The following VIPR2 variants were observed in gnomAD, a reference collection of about 807,000 sequenced individuals.
VIPR2 encodes the protein vasoactive intestinal peptide receptor 2, also known as vasoactive intestinal polypeptide receptor 2.
A neutral mutation model predicts 58.0 loss-of-function variants in VIPR2; 48 were observed. That is an observed-to-expected ratio of 0.83 (90% CI 0.66 to 1.05). VIPR2 has a LOEUF of 1.05. Among genes scored for constraint, VIPR2 ranks in the 50% least tolerant of loss-of-function variants. VIPR2 has a pLI of 0.00. For missense variants in VIPR2, 534 were observed against 558.0 expected (o/e 0.96, Z 0.43); for synonymous variants, 243 against 235.2 (o/e 1.03, Z -0.30).
chr7:159,117,750 C>T (rs1796294597), intron 2 of VIPR2, among the ~76,000 whole-genome samples: 1 of 152,188 alleles, frequency 6.6e-6, no homozygotes, highest in South Asian at 2.1e-4. Context: ...AGCCACCCTG[C>T]TGCTGTCATC....
intron 2 of VIPR2, among the ~76,000 whole-genome samples, chr7:159,124,815 C>T (rs1433785487): frequency 6.6e-6 from 1 of 152,138 alleles, no homozygotes; most frequent in Non-Finnish European, 1.5e-5. Flanking sequence ...TTTCTTTGAG[C>T]AGTGTTTTAT....
rs1252888205 is a variant in VIPR2 at position 159,135,022 on chromosome 7, TTTTTTTTTA to T, written c.151+7415_151+7423del. The stretch of plus-strand genomic sequence containing the variant: ...TACAAAAGTTTTTTTTTTTTTTTTT[TTTTTTTTTA>T]ACATTTTAAGTAATTGGCCTAGAAA... On this transcript the variant is annotated intron_variant, in intron 2 of 12. Coordinates refer to ENST00000262178, the MANE Select transcript of VIPR2 (RefSeq NM_003382.5). Among the ~76,000 whole-genome samples, 199 of 104,428 alleles carry T rather than the reference TTTTTTTTTA, an allele frequency of 1.9e-3. 10 individuals are homozygous for T. In the East Asian group the frequency reaches 0.024, roughly 12 times the overall value. 68.5% of individuals were successfully genotyped at this position (104,428 alleles called of 152,430 possible). A position where few individuals can be genotyped will look rare whatever the true frequency, so the allele number is the denominator to read the frequency against.
chr7:159,104,546 ATGCCCTCCCTCCTCCCAGCCAGGCCCT>A, intron 3 of VIPR2, among the ~76,000 whole-genome samples: 1 of 101,980 alleles, frequency 9.8e-6, no homozygotes, highest in African/African-American at 3.7e-5. Context: ...CCTCCCAGCA[ATGCCCTCCCTCCTCCCAGCCAGGCCCT>A]CACCACCGAT....
chr7:159,139,370 G>A (rs1008467627), intron 2 of VIPR2, among the ~76,000 whole-genome samples: 6 of 152,196 alleles, frequency 3.9e-5, no homozygotes, highest in Admixed American at 1.3e-4. Flanking sequence ...TGGGGGGCTT[G>A]AGAAGCAGAG....
At chr7:159,105,583 C>T (rs1354469874) in intron 3 of VIPR2, among the ~76,000 whole-genome samples, 1 of 152,062 alleles carries the variant, frequency 6.6e-6, no homozygotes, top group East Asian at 1.9e-4. Flanking sequence ...GGAGACTGGT[C>T]TCAGCAAGGC....
intron 4 of VIPR2, among the ~76,000 whole-genome samples, chr7:159,075,003 C>T (rs1318321484): frequency 1.3e-5 from 2 of 152,144 alleles, no homozygotes; most frequent in African/African-American, 2.4e-5. Flanking sequence ...CAATGAATAC[C>T]TTATTTAGCT....
chr7:159,075,031 G>A (rs765125739), intron 4 of VIPR2, among the ~76,000 whole-genome samples: 2 of 152,178 alleles, frequency 1.3e-5, no homozygotes, highest in Non-Finnish European at 2.9e-5. Context: ...AAATAGCTTG[G>A]CTTGGCTTTT....
chr7:159,048,410 G>A (rs968913418), intron 5 of VIPR2, among the ~76,000 whole-genome samples: 2 of 152,308 alleles, frequency 1.3e-5, no homozygotes, highest in Middle Eastern at 6.8e-3. Flanking sequence ...GAGCTTTTAT[G>A]TATGTTTGGA....
intron 5 of VIPR2, among the ~76,000 whole-genome samples, chr7:159,050,744 T>C (rs1282119104): frequency 6.6e-6 from 1 of 152,094 alleles, no homozygotes; most frequent in Admixed American, 6.5e-5. Flanking sequence ...ACAAGGTTTT[T>C]TGAAACTGAC....
chr7:159,053,608 C>T (rs1855133845), intron 5 of VIPR2, among the ~76,000 whole-genome samples: 1 of 152,114 alleles, frequency 6.6e-6, no homozygotes, highest in Non-Finnish European at 1.5e-5. Flanking sequence ...GTGGTGTGAT[C>T]ACAGCTCACT....
At chr7:159,053,090 T>C (rs1241344518) in intron 5 of VIPR2, among the ~76,000 whole-genome samples, 1 of 151,966 alleles carries the variant, frequency 6.6e-6, no homozygotes, top group Non-Finnish European at 1.5e-5. Context: ...TTTAGTGAGG[T>C]TGCTGAAGCA....
chr7:159,060,955 A>C (rs1200407925), intron 4 of VIPR2, among the ~76,000 whole-genome samples: 1 of 152,226 alleles, frequency 6.6e-6, no homozygotes. Context: ...CAACAGCCCT[A>C]TTCACAAAGC....
In VIPR2 at chr7:159,115,683, C is replaced by T. The variant is rs1008955794; in HGVS notation, c.152-5764G>A. ...TGTCACCAAAGCCCCTGAGCTCAGG[C>T]TTGCTGGCTGGGTCGTCCCTTGGCC... On this transcript the variant is annotated intron_variant, in intron 2 of 12. Coordinates refer to ENST00000262178, the MANE Select transcript of VIPR2 (RefSeq NM_003382.5). 5.3e-5 allele frequency among the ~76,000 whole-genome samples: 8 copies of T among 152,340 alleles called. No individual in the cohort carries two copies. In the East Asian group the frequency reaches 1.2e-3, roughly 22 times the overall value.
Position 159,096,695 on chromosome 7 carries a change from A to G in VIPR2, c.357+7062T>C. On this transcript the variant is annotated intron_variant, in intron 4 of 12. Transcript: ENST00000262178. This position sits in a 1 kb window ranked among gnomAD's most constrained non-coding sequence, Gnocchi z 5.5. ...CATGCACAGGTTAAAACTAAACAGC[A>G]GAAAAGTGCTCATAATCCTGTCTGG... The G allele has an allele frequency of 7.9e-7, 1 of 1,266,372 alleles. No individual in the cohort carries two copies. The highest frequency in any genetic ancestry group is 1.0e-6 in the Non-Finnish European group (1 of 966,818). 78.4% of individuals were successfully genotyped at this position (1,266,372 alleles called of 1,614,324 possible). A position where few individuals can be genotyped will look rare whatever the true frequency, so the allele number is the denominator to read the frequency against.
intron 4 of VIPR2, among the ~76,000 whole-genome samples, chr7:159,101,847 C>G (rs1486434643): frequency 7.4e-5 from 10 of 134,818 alleles, no homozygotes; most frequent in African/African-American, 2.7e-4. Flanking sequence ...ACGGGTCTCA[C>G]GAGATCCGAC....
intron 4 of VIPR2, among the ~76,000 whole-genome samples, chr7:159,071,848 A>G (rs1308753361): frequency 2.0e-5 from 3 of 147,004 alleles, no homozygotes; most frequent in South Asian, 2.2e-4. Context: ...CCAGAGTCCC[A>G]TGTCTCTAGG....
At chr7:159,047,820 G>A (rs960209640) in intron 5 of VIPR2, among the ~76,000 whole-genome samples, 1 of 152,168 alleles carries the variant, frequency 6.6e-6, no homozygotes, top group Non-Finnish European at 1.5e-5. Context: ...AGTCATGGAA[G>A]AATTTTACAA....
At chr7:159,091,067 C>G (rs1434680161) in intron 4 of VIPR2, among the ~76,000 whole-genome samples, 1 of 152,260 alleles carries the variant, frequency 6.6e-6, no homozygotes, top group Non-Finnish European at 1.5e-5. Context: ...CTGGTGACCT[C>G]AGCACAGACA....
At chr7:159,134,946 C>T (rs145827634) in intron 2 of VIPR2, among the ~76,000 whole-genome samples, 125 of 149,758 alleles carry the variant, frequency 8.3e-4, no homozygotes, top group African/African-American at 2.9e-3. Flanking sequence ...AATGAGTCAC[C>T]GCGCCTGGCC....
Sources: gnomAD v4.1 joint callset for allele counts (sites outside exome capture counted in the v4.1 genomes callset) on GRCh38, gnomAD v4.1.1 for gene constraint, Gnocchi (gnomAD v3.1) non-coding constraint, MANE v1.5 for transcripts, NCBI Gene and HGNC (gene_info 2026-07-23, HGNC 2026-07-21) for gene names.